The following RNF169 variants were observed in gnomAD, a reference collection of about 807,000 sequenced individuals.
RNF169 encodes ring finger protein 169, also known as E3 ubiquitin-protein ligase RNF169.
Under a neutral mutation model 53.9 loss-of-function variants are expected in RNF169, and 24 were observed. The observed-to-expected ratio is 0.45, with a 90% CI of 0.32 to 0.63. The LOEUF is 0.63. Ranked by LOEUF, RNF169 falls within the 20% of genes least tolerant of loss-of-function variation. The pLI is 0.04. For synonymous variants in RNF169, 396 were observed against 363.5 expected (o/e 1.09, Z -1.02); for missense variants, 883 against 906.2 (o/e 0.97, Z 0.33).
chr11:74,768,679 C>G (rs191078323), intron 1 of RNF169, among the ~76,000 whole-genome samples: 150 of 151,674 alleles, frequency 9.9e-4, no homozygotes, highest in Non-Finnish European at 1.7e-3. Flanking sequence ...AGGACTATCT[C>G]TATGAAAATG....
intron 1 of RNF169, among the ~76,000 whole-genome samples, chr11:74,759,355 G>C (rs2035040307): frequency 7.4e-6 from 1 of 135,646 alleles, no homozygotes; most frequent in Non-Finnish European, 1.6e-5. Context: ...TGTTGAATAG[G>C]AGTGGTGAGA....
chr11:74,785,092 C>T (rs536934484), intron 1 of RNF169, among the ~76,000 whole-genome samples: 33 of 149,210 alleles, frequency 2.2e-4, no homozygotes, highest in African/African-American at 7.2e-4. Flanking sequence ...GTAGCTTGGC[C>T]GGTATTTTGA....
At chr11:74,817,544 A>C (rs1211565312) in intron 3 of RNF169, 52 bp from the exon 4 acceptor site, 3 of 1,110,902 alleles carry the variant, frequency 2.7e-6, no homozygotes, top group Non-Finnish European at 4.1e-6. Flanking sequence ...GCTAGAGTAG[A>C]TGCCTTGGGA....
chr11:74,773,951 CCT>C (rs2035293743), intron 1 of RNF169, among the ~76,000 whole-genome samples: 1 of 152,160 alleles, frequency 6.6e-6, no homozygotes, highest in Non-Finnish European at 1.5e-5. Context: ...TTTTGTACCC[CCT>C]CATGGAGCAC....
intron 4 of RNF169, among the ~76,000 whole-genome samples, chr11:74,829,415 A>T (rs1279783189): frequency 6.6e-6 from 1 of 152,236 alleles, no homozygotes; most frequent in Non-Finnish European, 1.5e-5. Flanking sequence ...TAGTTCAACC[A>T]TTGTGGAAGA....
At chr11:74,788,896 G>A (rs1427632691) in intron 1 of RNF169, among the ~76,000 whole-genome samples, 1 of 152,144 alleles carries the variant, frequency 6.6e-6, no homozygotes, top group Non-Finnish European at 1.5e-5. Context: ...GTTTGTAAAA[G>A]GGGAGAGAGT....
chr11:74,819,592 G>A (rs1219589556), intron 4 of RNF169, among the ~76,000 whole-genome samples: 1 of 152,206 alleles, frequency 6.6e-6, no homozygotes, highest in African/African-American at 2.4e-5. Flanking sequence ...GTGCCTGTTG[G>A]TAGGTTAAAC....
intron 1 of RNF169, among the ~76,000 whole-genome samples, chr11:74,775,544 A>G (rs757513796): frequency 2.0e-5 from 3 of 151,492 alleles, no homozygotes; most frequent in Non-Finnish European, 2.9e-5. Flanking sequence ...TTCCTTCCCC[A>G]AGATTCTGGT....
At chr11:74,777,903 A>T (rs907862901) in intron 1 of RNF169, among the ~76,000 whole-genome samples, 2 of 152,186 alleles carry the variant, frequency 1.3e-5, no homozygotes, top group Non-Finnish European at 2.9e-5. Flanking sequence ...ATGGGATTAC[A>T]GGCAGGAGCT....
intron 2 of RNF169, among the ~76,000 whole-genome samples, chr11:74,798,216 G>C (rs1018483463): frequency 2.0e-5 from 3 of 152,206 alleles, no homozygotes; most frequent in African/African-American, 7.2e-5. Context: ...GACCACTGGT[G>C]AGCCGGGTGG....
intron 1 of RNF169, among the ~76,000 whole-genome samples, chr11:74,755,234 A>T (rs1400168702): frequency 1.3e-5 from 2 of 152,224 alleles, no homozygotes; most frequent in South Asian, 4.1e-4. Context: ...AAAGCTCTTG[A>T]TGAGATTACA....
chr11:74,784,956 A>G (rs2035467159), intron 1 of RNF169, among the ~76,000 whole-genome samples: 1 of 152,100 alleles, frequency 6.6e-6, no homozygotes, highest in Non-Finnish European at 1.5e-5. Flanking sequence ...ATATGCATGC[A>G]TGCAACATTT....
At chr11:74,827,941 C>T (rs186709614) in intron 4 of RNF169, among the ~76,000 whole-genome samples, 58 of 152,324 alleles carry the variant, frequency 3.8e-4, no homozygotes, top group Non-Finnish European at 7.3e-4. Context: ...GATGCCCTCT[C>T]TCACCACTCC....
chr11:74,814,343 C>T (rs1223858982), intron 3 of RNF169, among the ~76,000 whole-genome samples: 1 of 139,444 alleles, frequency 7.2e-6, no homozygotes, highest in Admixed American at 7.2e-5. Context: ...AACAAACAAA[C>T]AAAAAAAATA....
At chr11:74,781,022 A>G (rs1803976857) in intron 1 of RNF169, among the ~76,000 whole-genome samples, 1 of 152,206 alleles carries the variant, frequency 6.6e-6, no homozygotes, top group South Asian at 2.1e-4. Flanking sequence ...GTGTTTGCTG[A>G]TTGTTAACTG....
At chr11:74,813,872 A>G (rs1480048494) in intron 3 of RNF169, among the ~76,000 whole-genome samples, 2 of 152,034 alleles carry the variant, frequency 1.3e-5, no homozygotes, top group East Asian at 3.9e-4. Flanking sequence ...TTGTATTTTT[A>G]GTAGAGATGG....
In RNF169 at chr11:74,774,105, C is replaced by T. The variant is rs574398562; in HGVS notation, c.503-15521C>T. Among the ~76,000 whole-genome samples, 147 of 152,070 alleles carry T rather than the reference C, an allele frequency of 9.7e-4. 2 individuals are homozygous for T. The South Asian group carries it at 0.012, about 13-fold the overall frequency. The stretch of plus-strand genomic sequence containing the variant: ...CTGTAATCCCAGCACTTTGGGAGGC[C>T]GAGGCAGGCAGATCACTTGAGGCCA... On this transcript the variant is annotated intron_variant, in intron 1 of 5. Transcript: ENST00000299563.
chr11:74,838,315 A>T lies in RNF169; in HGVS notation c.*1585A>T, dbSNP rs2036287815. ...CTCAGATTTGCCTTTTCTCAGGGCA[A>T]ATCTTCAGTGTTTTGTGGTTATTTG... is the stretch of plus-strand genomic sequence containing the variant. On this transcript the variant is annotated 3_prime_UTR_variant, in exon 6 of 6. Coordinates refer to ENST00000299563, the MANE Select transcript of RNF169 (RefSeq NM_001098638.2). The T allele has an allele frequency of 6.6e-6, 1 of 152,206 alleles. No individual in the cohort carries two copies. The highest frequency in any genetic ancestry group is 1.5e-5 in the Non-Finnish European group (1 of 68,046). The allele number at this position is 152,206 out of a possible 1,614,324, so 9.4% of individuals were successfully genotyped here.
At chr11:74,821,372 G>A (rs556126064) in intron 4 of RNF169, among the ~76,000 whole-genome samples, 1 of 140,012 alleles carries the variant, frequency 7.1e-6, no homozygotes, top group South Asian at 2.4e-4. Flanking sequence ...AAGAATACAA[G>A]TGCGGGCCGG....
Sources: gnomAD v4.1 joint callset for allele counts (sites outside exome capture counted in the v4.1 genomes callset) on GRCh38, gnomAD v4.1.1 for gene constraint, MANE v1.5 for transcripts, NCBI Gene and HGNC (gene_info 2026-07-23, HGNC 2026-07-21) for gene names.